The following R3HDM1 variants were observed in gnomAD, a reference collection of about 807,000 sequenced individuals.
R3HDM1 encodes the protein R3H domain containing 1, also known as R3H domain-containing protein 1.
A neutral mutation model predicts 141.1 loss-of-function variants in R3HDM1; 46 were observed. The observed-to-expected ratio is 0.33, with a 90% confidence interval of 0.26 to 0.42. The LOEUF is 0.42. Among genes scored for constraint, R3HDM1 ranks in the 10% least tolerant of loss-of-function variants. The pLI is 1.00. For synonymous variants in R3HDM1, 435 were observed against 472.9 expected, an observed-to-expected ratio of 0.92 and a Z score of 1.04; for missense variants, 1,184 against 1,368.3, an observed-to-expected ratio of 0.87 and a Z score of 2.12.
chr2:135,691,083 C>T (rs965890870), intron 21 of R3HDM1, among the ~76,000 whole-genome samples: 1 of 152,008 alleles, frequency 6.6e-6, no homozygotes, highest in African/African-American at 2.4e-5. Context: ...CTCTATGTAC[C>T]TTGTTTAGGT....
At position 135,583,188 on chromosome 2, in the gene R3HDM1, G is replaced by A. The variant is rs547120904; in HGVS notation, c.-249-19312G>A. ...AATCAGATATAACACTTTGCATTTTGTTTACCGGTCTCTCTAGTCTTCTGT... is the reference window on the plus strand; with the variant it reads ...AATCAGATATAACACTTTGCATTTTATTTACCGGTCTCTCTAGTCTTCTGT... On this transcript the variant is annotated intron_variant, in intron 1 of 26. Transcript: ENST00000683871. Among the ~76,000 whole-genome samples, 37 of 152,116 alleles carry A rather than the reference G, an allele frequency of 2.4e-4. No individual in the cohort carries two copies. In the South Asian group the frequency reaches 4.1e-3, roughly 17 times the overall value.
rs1051821000 is a variant in R3HDM1, at chr2:135,601,286, C to T, written c.-249-1214C>T. On this transcript the variant is annotated intron_variant, in intron 1 of 26. Transcript: ENST00000683871. Reference sequence around the variant, plus strand: ...GTTTTTTGATATTTGTTTTTGATACCCCCTTTTCTATTATCCTTGTGTCAA... The same window carrying T: ...GTTTTTTGATATTTGTTTTTGATACTCCCTTTTCTATTATCCTTGTGTCAA... 5.3e-5 allele frequency among the ~76,000 whole-genome samples: 8 copies of T among 151,848 alleles called. No individual in the cohort carries two copies. The South Asian group carries it at 1.5e-3, about 28-fold the overall frequency.
At position 135,645,429 on chromosome 2, in the gene R3HDM1, A is replaced by G. The variant is rs529705518; in HGVS notation, c.1525A>G (p.Met509Val). The change falls in exon 16 of 27, where the codon ATG becomes GTG. Residue 509 changes from methionine to valine, a missense_variant. Coordinates refer to ENST00000683871, the MANE Select transcript of R3HDM1 (RefSeq NM_001378107.1). ...GAGTCCAGTTGTGTATAATCCTCCT[A>G]TGACTCAACAACCAGTTAGATCCCA... ...DGSPVVYNPP[M>V]TQQPVRSQVP... 5.0e-6 allele frequency: 8 copies of G among 1,612,754 alleles called. No homozygotes were observed. The highest frequency in any genetic ancestry group is 2.2e-5 in the South Asian group (2 of 91,052).
chr2:135,720,336 A>C (rs1345926380), intron 24 of R3HDM1, among the ~76,000 whole-genome samples: 1 of 152,192 alleles, frequency 6.6e-6, no homozygotes, highest in Non-Finnish European at 1.5e-5. Flanking sequence ...CAAGAAGTCC[A>C]CACCTTGCTG....
At chr2:135,684,232 A>G (rs865781489) in intron 21 of R3HDM1, among the ~76,000 whole-genome samples, 2 of 151,820 alleles carry the variant, frequency 1.3e-5, no homozygotes. Flanking sequence ...CTGGGACTAT[A>G]GGCGCCCGCC....
At chr2:135,662,343 G>A (rs915508828) in intron 19 of R3HDM1, among the ~76,000 whole-genome samples, 2 of 152,192 alleles carry the variant, frequency 1.3e-5, no homozygotes, top group Non-Finnish European at 2.9e-5. Flanking sequence ...AAGCATCTCT[G>A]CACTGGCCCA....
chr2:135,631,731 C>A lies in R3HDM1; in HGVS notation c.511C>A (p.Leu171Met). The A allele has an allele frequency of 1.3e-6, 2 of 1,574,578 alleles. No individual in the cohort carries two copies. The highest frequency in any genetic ancestry group is 1.7e-6 in the Non-Finnish European group (2 of 1,165,984). ...ACTTTGTTTCAGGGACAGAATGATGCTGCTGAAATTGGAACAAGAAATTTT... is the reference window on the plus strand; with the variant it reads ...ACTTTGTTTCAGGGACAGAATGATGATGCTGAAATTGGAACAAGAAATTTT... The part of the protein sequence containing the change: ...LKNNPRDRMM[L>M]LKLEQEILDF... Residue 171 changes from leucine (L) to methionine (M), a missense_variant, in exon 8 of 27, where the codon CTG (leucine) becomes ATG (methionine). Coordinates refer to ENST00000683871, the MANE Select transcript of R3HDM1 (RefSeq NM_001378107.1).
chr2:135,632,957 C>T (rs2062867073), intron 9 of R3HDM1, among the ~76,000 whole-genome samples: 1 of 151,942 alleles, frequency 6.6e-6, no homozygotes, highest in African/African-American at 2.4e-5. Context: ...GTCTTTTGTC[C>T]TTATAGCTGC....
intron 15 of R3HDM1, among the ~76,000 whole-genome samples, chr2:135,643,047 G>T (rs2063972215): frequency 1.3e-5 from 2 of 152,072 alleles, no homozygotes; most frequent in Non-Finnish European, 2.9e-5. Context: ...AGATTCATTT[G>T]CTTAGGAAGG....
At chr2:135,618,760 TG>T (rs1398266302) in intron 5 of R3HDM1, among the ~76,000 whole-genome samples, 4 of 152,262 alleles carry the variant, frequency 2.6e-5, no homozygotes, top group African/African-American at 9.6e-5. Context: ...GGCTCGCGCC[TG>T]TAATCCCAGC....
chr2:135,563,743 GT>G (rs1293452174), intron 1 of R3HDM1, among the ~76,000 whole-genome samples: 1 of 152,098 alleles, frequency 6.6e-6, no homozygotes, highest in Non-Finnish European at 1.5e-5. Flanking sequence ...TGTGGTTACA[GT>G]TTAGCTCTTA....
intron 24 of R3HDM1, among the ~76,000 whole-genome samples, chr2:135,720,716 G>C (rs967441987): frequency 6.6e-6 from 1 of 152,180 alleles, no homozygotes. Flanking sequence ...AGATTAAGAA[G>C]AGCAGACTTA....
At position 135,724,315 on chromosome 2, in the gene R3HDM1, C is replaced by A. The variant is rs1468422743; in HGVS notation, c.*23C>A. On this transcript the variant is annotated 3_prime_UTR_variant, in exon 27 of 27. Transcript: ENST00000683871. The stretch of plus-strand genomic sequence containing the variant: ...TAACAGCCACCTTTGGACCCTTCGC[C>A]TTTATGGTTCCCCTGCCCTCTCCCA... The A allele has an allele frequency of 2.6e-6, 4 of 1,524,316 alleles. No homozygotes were observed. The highest frequency in any genetic ancestry group is 1.2e-5 in the South Asian group (1 of 84,084). 94.4% of individuals were successfully genotyped at this position (1,524,316 alleles called of 1,614,324 possible).
intron 2 of R3HDM1, 96 bp from the exon 3 acceptor site, chr2:135,604,710 C>A: frequency 1.1e-6 from 1 of 949,864 alleles, no homozygotes; most frequent in Non-Finnish European, 1.6e-6. Context: ...TGTCTATATT[C>A]AACATTATTT....
At chr2:135,610,449 T>C (rs778827064) in intron 3 of R3HDM1, among the ~76,000 whole-genome samples, 1 of 152,208 alleles carries the variant, frequency 6.6e-6, no homozygotes, top group Non-Finnish European at 1.5e-5. Context: ...TACACAGAGT[T>C]GGCTAAAGTA....
At chr2:135,700,742 CAT>C (rs1295537963) in intron 21 of R3HDM1, among the ~76,000 whole-genome samples, 1 of 152,142 alleles carries the variant, frequency 6.6e-6, no homozygotes, top group Non-Finnish European at 1.5e-5. Context: ...TTTACAAAAA[CAT>C]AAAGAGAAAA....
At chr2:135,718,661 C>A (rs1457216269) in intron 24 of R3HDM1, among the ~76,000 whole-genome samples, 2 of 151,866 alleles carry the variant, frequency 1.3e-5, no homozygotes, top group Non-Finnish European at 2.9e-5. Context: ...TTTGTATTTT[C>A]GGTAGAGACA....
At chr2:135,641,501 T>TA (rs763465782) in intron 14 of R3HDM1, 35 bp from the exon 15 acceptor site, 3 of 1,563,834 alleles carry the variant, frequency 1.9e-6, no homozygotes, top group Non-Finnish European at 2.6e-6. Context: ...ATATGAGGTT[T>TA]AAAAAATCCA....
At chr2:135,607,579 G>C (rs1031539507) in intron 3 of R3HDM1, among the ~76,000 whole-genome samples, 17 of 152,296 alleles carry the variant, frequency 1.1e-4, no homozygotes, top group African/African-American at 3.4e-4. Flanking sequence ...TTGCATCAGA[G>C]AAAATCTGCT....
Sources: allele counts gnomAD v4.1 joint callset (sites outside exome capture counted in the v4.1 genomes callset), GRCh38; gene constraint gnomAD v4.1.1; transcripts MANE v1.5; gene names NCBI Gene and HGNC (gene_info 2026-07-23, HGNC 2026-07-21).